Variants in SPIDR observed in about 807,000 individuals in gnomAD.
SPIDR encodes the protein scaffold protein involved in DNA repair, also known as DNA repair-scaffolding protein.
Under a neutral mutation model 104.6 loss-of-function variants are expected in SPIDR, and 93 were observed. That is an observed-to-expected ratio of 0.89 (90% CI 0.75 to 1.06). SPIDR has a LOEUF of 1.06. Among genes scored for constraint, SPIDR ranks in the 50% least tolerant of loss-of-function variants. SPIDR has a pLI of 0.00. For synonymous variants in SPIDR, 431 were observed against 416.9 expected (o/e 1.03, Z -0.41); for missense variants, 1,154 against 1,111.2 (o/e 1.04, Z -0.55).
chr8:47,563,306 A>G (rs1044957491), intron 8 of SPIDR, among the ~76,000 whole-genome samples: 5 of 151,944 alleles, frequency 3.3e-5, no homozygotes, highest in African/African-American at 1.2e-4. Flanking sequence ...AGTAGCTGAG[A>G]TTACCAGCGT....
chr8:47,432,034 C>T (rs1554689673), intron 7 of SPIDR, among the ~76,000 whole-genome samples: 1 of 152,114 alleles, frequency 6.6e-6, no homozygotes, highest in Non-Finnish European at 1.5e-5. Flanking sequence ...TCGATGGCAT[C>T]TTATAAGATT....
At chr8:47,347,043 GTTAGGGTGTCGATT>G (rs1554618660) in intron 5 of SPIDR, among the ~76,000 whole-genome samples, 1 of 152,146 alleles carries the variant, frequency 6.6e-6, no homozygotes, top group Non-Finnish European at 1.5e-5. Flanking sequence ...TAATTGTGAT[GTTAGGGTGTCGATT>G]TTAGATCTTT....
At chr8:47,514,096 A>T (rs2082764581) in intron 8 of SPIDR, among the ~76,000 whole-genome samples, 1 of 152,224 alleles carries the variant, frequency 6.6e-6, no homozygotes, top group African/African-American at 2.4e-5. Context: ...CGTGAATCTA[A>T]TAATAACAAT....
intron 8 of SPIDR, among the ~76,000 whole-genome samples, chr8:47,468,016 G>A (rs2075162939): frequency 6.6e-6 from 1 of 152,070 alleles, no homozygotes; most frequent in African/African-American, 2.4e-5. Context: ...AAAGTCTCAG[G>A]ATGCAAAATC....
intron 8 of SPIDR, among the ~76,000 whole-genome samples, chr8:47,490,256 A>G (rs989866360): frequency 1.3e-5 from 2 of 152,222 alleles, no homozygotes; most frequent in African/African-American, 2.4e-5. Flanking sequence ...ATTGCTCATC[A>G]TCACTGGCCA....
At chr8:47,324,242 T>A (rs1400270212) in intron 5 of SPIDR, among the ~76,000 whole-genome samples, 1 of 152,210 alleles carries the variant, frequency 6.6e-6, no homozygotes, top group Non-Finnish European at 1.5e-5. Context: ...TAGAAAGTTG[T>A]CATTTGAACA....
intron 8 of SPIDR, among the ~76,000 whole-genome samples, chr8:47,564,962 G>T (rs753237272): frequency 6.6e-6 from 1 of 151,784 alleles, no homozygotes; most frequent in African/African-American, 2.4e-5. Context: ...GAAATTCATT[G>T]ACGGCCAGGC....
Position 47,649,255 on chromosome 8 carries a change from AAAAAGTGGGAAG to A in SPIDR, c.1545-24543_1545-24532del, listed in dbSNP as rs543357971. ...GGCAGCATAGAAAGAGCCTGTCAAG[AAAAAGTGGGAAG>A]AATGCAAAAAAAAAAAAGCACACAG... On this transcript the variant is annotated intron_variant, in intron 10 of 19. Coordinates refer to ENST00000297423, the MANE Select transcript of SPIDR (RefSeq NM_001080394.4). 4.2e-3 allele frequency among the ~76,000 whole-genome samples: 646 copies of A among 152,062 alleles called. 3 individuals carry two copies. The highest frequency in any genetic ancestry group is 0.01 in the Middle Eastern group (3 of 294).
At chr8:47,579,308 G>C (rs893894524) in intron 8 of SPIDR, among the ~76,000 whole-genome samples, 6 of 152,122 alleles carry the variant, frequency 3.9e-5, no homozygotes, top group African/African-American at 1.4e-4. Flanking sequence ...AATCCAGTCA[G>C]TCAAAAAGAA....
At chr8:47,305,344 A>G (rs2042926649) in intron 5 of SPIDR, among the ~76,000 whole-genome samples, 1 of 152,242 alleles carries the variant, frequency 6.6e-6, no homozygotes. Context: ...AAGGTAAACA[A>G]CAAGCTGGCT....
At chr8:47,563,846 T>C (rs2057397971) in intron 8 of SPIDR, among the ~76,000 whole-genome samples, 1 of 152,176 alleles carries the variant, frequency 6.6e-6, no homozygotes, top group African/African-American at 2.4e-5. Context: ...AATAATTTTT[T>C]AGTTGCTCTT....
At chr8:47,310,073 C>T (rs1554584024) in intron 5 of SPIDR, among the ~76,000 whole-genome samples, 1 of 151,520 alleles carries the variant, frequency 6.6e-6, no homozygotes, top group African/African-American at 2.4e-5. Context: ...GTGGCTCACG[C>T]CTGTAATCCC....
At chr8:47,719,011 G>A (rs1394064455) in intron 16 of SPIDR, among the ~76,000 whole-genome samples, 2 of 152,142 alleles carry the variant, frequency 1.3e-5, no homozygotes, top group Admixed American at 6.5e-5. Flanking sequence ...GAATACTGAG[G>A]TGAGGTGGTG....
At chr8:47,466,694 C>T (rs1339927305) in intron 8 of SPIDR, among the ~76,000 whole-genome samples, 1 of 145,032 alleles carries the variant, frequency 6.9e-6, no homozygotes, top group African/African-American at 2.8e-5. Context: ...AACCCCGTCT[C>T]TACGAAAAAT....
chr8:47,342,770 C>G (rs186456150), intron 5 of SPIDR, among the ~76,000 whole-genome samples: 4 of 152,290 alleles, frequency 2.6e-5, no homozygotes, highest in African/African-American at 2.4e-5. Flanking sequence ...CCTCTCTTGG[C>G]TACCCTTTCT....
chr8:47,650,604 A>G (rs1433650417), intron 10 of SPIDR, among the ~76,000 whole-genome samples: 1 of 152,206 alleles, frequency 6.6e-6, no homozygotes, highest in African/African-American at 2.4e-5. Context: ...TAGAAAAAAC[A>G]GTCCTAAAAT....
At chr8:47,465,459 C>T (rs1186316537) in intron 8 of SPIDR, among the ~76,000 whole-genome samples, 1 of 152,116 alleles carries the variant, frequency 6.6e-6, no homozygotes, top group Non-Finnish European at 1.5e-5. Context: ...GACGGCTGGG[C>T]ACGTGGCTCA....
chr8:47,464,955 C>T (rs538551600), intron 8 of SPIDR, among the ~76,000 whole-genome samples: 5 of 151,942 alleles, frequency 3.3e-5, no homozygotes, highest in African/African-American at 1.2e-4. Context: ...TTTTAGATGA[C>T]GTTTCACCAT....
At chr8:47,429,996 T>C (rs2067068538) in intron 7 of SPIDR, among the ~76,000 whole-genome samples, 1 of 152,170 alleles carries the variant, frequency 6.6e-6, no homozygotes, top group African/African-American at 2.4e-5. Flanking sequence ...TTGGTATTGC[T>C]GTTTTCCCCT....
Sources: gnomAD v4.1 joint callset for allele counts (sites outside exome capture counted in the v4.1 genomes callset) on GRCh38, gnomAD v4.1.1 for gene constraint, MANE v1.5 for transcripts, NCBI Gene and HGNC (gene_info 2026-07-23, HGNC 2026-07-21) for gene names.